Variants in DLGAP2 observed in about 807,000 individuals in gnomAD.
The protein encoded by DLGAP2 is disks large-associated protein 2.
Under a neutral mutation model 100.3 loss-of-function variants are expected in DLGAP2, and 26 were observed. The observed-to-expected ratio is 0.26, with a 90% CI of 0.19 to 0.36. The LOEUF (loss-of-function observed/expected upper bound fraction) is 0.36. Among genes scored for constraint, DLGAP2 ranks in the 10% least tolerant of loss-of-function variants. DLGAP2 has a pLI of 1.00. For missense variants in DLGAP2, 1,858 were observed against 1,453.2 expected, an observed-to-expected ratio of 1.28 and a Z score of -4.53; for synonymous variants, 886 against 630.1, an observed-to-expected ratio of 1.41 and a Z score of -6.08.
intron 3 of DLGAP2, among the ~76,000 whole-genome samples, chr8:1,428,567 TG>T (rs1478318347): frequency 1.7e-4 from 26 of 152,200 alleles, no homozygotes; most frequent in African/African-American, 6.3e-4. Flanking sequence ...GATTGACTGC[TG>T]GGAACAGATG....
At chr8:1,211,150 C>G (rs1798095362) in intron 2 of DLGAP2, among the ~76,000 whole-genome samples, 1 of 152,216 alleles carries the variant, frequency 6.6e-6, no homozygotes, top group Non-Finnish European at 1.5e-5. Flanking sequence ...GCAACATGAT[C>G]TCATGTGAAC....
intron 5 of DLGAP2, among the ~76,000 whole-genome samples, chr8:1,560,594 T>C (rs984317575): frequency 6.6e-6 from 1 of 152,148 alleles, no homozygotes; most frequent in Non-Finnish European, 1.5e-5. Context: ...ACATGACCAG[T>C]CCGAAGGCCT....
At chr8:901,969 C>T (rs185215561) in intron 1 of DLGAP2, among the ~76,000 whole-genome samples, 86 of 152,314 alleles carry the variant, frequency 5.6e-4, no homozygotes, top group African/African-American at 2.0e-3. Context: ...AGCGTGGGAG[C>T]CGTGCAACCC....
intron 3 of DLGAP2, among the ~76,000 whole-genome samples, chr8:1,314,357 A>T (rs1266185448): frequency 1.3e-5 from 2 of 152,310 alleles, no homozygotes; most frequent in African/African-American, 4.8e-5. Flanking sequence ...TTGCCGTCGC[A>T]CTGTTCACCT....
intron 3 of DLGAP2, among the ~76,000 whole-genome samples, chr8:1,350,965 G>A (rs1157589806): frequency 2.2e-5 from 3 of 139,406 alleles, no homozygotes; most frequent in Non-Finnish European, 3.1e-5. Flanking sequence ...TGGAAAGGCC[G>A]TGCGGGTCCT....
At chr8:1,008,146 A>C (rs1326773158) in intron 2 of DLGAP2, among the ~76,000 whole-genome samples, 1 of 152,222 alleles carries the variant, frequency 6.6e-6, no homozygotes, top group Non-Finnish European at 1.5e-5. Flanking sequence ...ATTTGGACAT[A>C]ATTTTTGTTT....
rs563823579 is a variant in DLGAP2 at position 1,441,866 on chromosome 8, T to C, written c.107-59500T>C. On this transcript the variant is annotated intron_variant, in intron 3 of 14. Coordinates refer to ENST00000637795, the MANE Select transcript of DLGAP2 (RefSeq NM_001346810.2). Reference sequence around the variant, plus strand: ...TGCAGGTTTGTTACGTAGGTAAACATGCTCCACAGGGTTGCTGCACCTATC... The same window carrying C: ...TGCAGGTTTGTTACGTAGGTAAACACGCTCCACAGGGTTGCTGCACCTATC... Among the ~76,000 whole-genome samples the C allele has an allele frequency of 1.4e-3, 205 of 151,806 alleles. 1 individual carries two copies. Among genetic ancestry groups the C allele is most frequent in the African/African-American group, 4.8e-3 (198 of 41,392 alleles).
chr8:791,615 G>A (rs1333800977), intron 1 of DLGAP2, among the ~76,000 whole-genome samples: 5 of 152,212 alleles, frequency 3.3e-5, no homozygotes, highest in East Asian at 3.9e-4. Flanking sequence ...GATGTGCACC[G>A]TGTGCTGTGA....
At chr8:1,320,906 G>T (rs1462547496) in intron 3 of DLGAP2, among the ~76,000 whole-genome samples, 1 of 152,084 alleles carries the variant, frequency 6.6e-6, no homozygotes. Context: ...CAGGTGTGTA[G>T]GGGCATGTGT....
intron 6 of DLGAP2, among the ~76,000 whole-genome samples, chr8:1,595,251 G>T (rs1007964784): frequency 6.6e-6 from 1 of 151,830 alleles, no homozygotes; most frequent in African/African-American, 2.4e-5. Context: ...ATGTTTCCCA[G>T]GTTTTACGGG....
At chr8:1,520,986 C>T (rs1263000721) in intron 4 of DLGAP2, among the ~76,000 whole-genome samples, 1 of 152,186 alleles carries the variant, frequency 6.6e-6, no homozygotes, top group Non-Finnish European at 1.5e-5. Context: ...TGAAAGAGTT[C>T]CTGAGGCTCC....
chr8:790,788 C>G (rs1822004161), intron 1 of DLGAP2, among the ~76,000 whole-genome samples: 1 of 152,000 alleles, frequency 6.6e-6, no homozygotes, highest in South Asian at 2.1e-4. Context: ...TTCTGTTGCC[C>G]AGGCTGGAGT....
intron 2 of DLGAP2, chr8:1,105,034 C>T (rs1165203445): frequency 6.6e-6 from 1 of 152,218 alleles, no homozygotes; most frequent in African/African-American, 2.4e-5. Context: ...ACCTGATGGT[C>T]CACCTGGGAG....
At chr8:1,654,535 C>A (rs1403751993) in intron 8 of DLGAP2, among the ~76,000 whole-genome samples, 1 of 152,082 alleles carries the variant, frequency 6.6e-6, no homozygotes, top group Non-Finnish European at 1.5e-5. Context: ...GTGGCAAGCG[C>A]CTGTACTCCC....
At chr8:793,547 T>A (rs1178797531) in intron 1 of DLGAP2, among the ~76,000 whole-genome samples, 1 of 152,188 alleles carries the variant, frequency 6.6e-6, no homozygotes, top group Non-Finnish European at 1.5e-5. Flanking sequence ...CTTCCTTCAG[T>A]TTTGGAAATT....
At chr8:972,321 A>G (rs1800033618) in intron 2 of DLGAP2, among the ~76,000 whole-genome samples, 1 of 152,250 alleles carries the variant, frequency 6.6e-6, no homozygotes, top group Non-Finnish European at 1.5e-5. Flanking sequence ...AAGCACCAAA[A>G]TAAGACCTAG....
intron 1 of DLGAP2, among the ~76,000 whole-genome samples, chr8:848,410 G>A (rs1466507468): frequency 3.7e-5 from 4 of 107,744 alleles, no homozygotes; most frequent in African/African-American, 6.8e-5. Flanking sequence ...AGGGTCGTGC[G>A]GTGCCTGTTC....
At chr8:745,935 C>T (rs1447830071) in intron 1 of DLGAP2, among the ~76,000 whole-genome samples, 3 of 152,232 alleles carry the variant, frequency 2.0e-5, no homozygotes, top group Non-Finnish European at 4.4e-5. Context: ...ATCTCCATCT[C>T]ACTCAGCGCC....
At chr8:819,627 A>G (rs1233778184) in intron 1 of DLGAP2, among the ~76,000 whole-genome samples, 4 of 152,276 alleles carry the variant, frequency 2.6e-5, no homozygotes, top group South Asian at 2.1e-4. Context: ...TATGAGATCA[A>G]TGAATGAACA....
Sources: gnomAD v4.1 joint callset for allele counts (sites outside exome capture counted in the v4.1 genomes callset) on GRCh38, gnomAD v4.1.1 for gene constraint, MANE v1.5 for transcripts, NCBI Gene and HGNC (gene_info 2026-07-23, HGNC 2026-07-21) for gene names.